GALNT13: variants seen among roughly 807,000 people sequenced by gnomAD.
GALNT13 encodes the protein polypeptide N-acetylgalactosaminyltransferase 13, also known as UDP-GalNAc:polypeptide N-acetylgalactosaminyltransferase 13.
GALNT13 carries 28 observed loss-of-function variants against 64.2 expected under a neutral mutation model. The observed-to-expected ratio is 0.44, with a 90% CI of 0.32 to 0.60. The LOEUF (loss-of-function observed/expected upper bound fraction) is 0.60. Among genes scored for constraint, GALNT13 ranks in the 20% least tolerant of loss-of-function variants. GALNT13 has a pLI of 0.05. For synonymous variants in GALNT13, 214 were observed against 224.6 expected, an observed-to-expected ratio of 0.95 and a Z score of 0.42; for missense variants, 577 against 669.8, an observed-to-expected ratio of 0.86 and a Z score of 1.53.
the GALNT13 span, among the ~76,000 whole-genome samples, chr2:153,305,324 T>C: frequency 6.6e-6 from 1 of 152,150 alleles, no homozygotes; most frequent in Admixed American, 6.6e-5. Context: ...ACAGGCCTCC[T>C]AGGTTCTAGG....
chr2:153,993,287 T>G lies in GALNT13; in HGVS notation c.142+48648T>G, dbSNP rs796226964. Among the ~76,000 whole-genome samples the G allele has an allele frequency of 9.2e-5, 14 of 152,204 alleles. 1 individual carries two copies. Among genetic ancestry groups the G allele is most frequent in the African/African-American group, 3.4e-4 (14 of 41,560 alleles). ...TTCATTCTGAATAGATGTGTACAAA[T>G]AAAGTGATTGTAAATTTATTGAATA... On this transcript the variant is annotated intron_variant, in intron 3 of 12. Coordinates refer to ENST00000392825, the MANE Select transcript of GALNT13 (RefSeq NM_052917.4).
chr2:154,060,995 G>A (rs2105366938), intron 3 of GALNT13, among the ~76,000 whole-genome samples: 1 of 150,558 alleles, frequency 6.6e-6, no homozygotes, highest in East Asian at 2.0e-4. Context: ...AATATATCAA[G>A]CATTATGAGT....
At chr2:153,958,874 G>T (rs576120988) in intron 3 of GALNT13, among the ~76,000 whole-genome samples, 35 of 152,316 alleles carry the variant, frequency 2.3e-4, no homozygotes, top group African/African-American at 7.5e-4. Context: ...GCCCTGAATT[G>T]CAGGAGAATT....
the GALNT13 span, among the ~76,000 whole-genome samples, chr2:153,766,998 C>T: frequency 6.6e-6 from 1 of 152,052 alleles, no homozygotes; most frequent in South Asian, 2.1e-4. Context: ...TACTTTTTTA[C>T]ATAGGTATAT....
At chr2:153,608,543 C>T in the GALNT13 span, among the ~76,000 whole-genome samples, 8 of 151,234 alleles carry the variant, frequency 5.3e-5, no homozygotes, top group Admixed American at 3.3e-4. Flanking sequence ...CTGTAACAGC[C>T]GCTGTTGCCT....
the GALNT13 span, among the ~76,000 whole-genome samples, chr2:153,125,208 C>A: frequency 1.3e-5 from 2 of 152,156 alleles, no homozygotes; most frequent in Non-Finnish European, 1.5e-5. Context: ...GTCAGGCAAC[C>A]AATTAGTAAC....
the GALNT13 span, among the ~76,000 whole-genome samples, chr2:153,607,434 T>G: frequency 6.6e-6 from 1 of 152,116 alleles, no homozygotes; most frequent in Non-Finnish European, 1.5e-5. Flanking sequence ...AAATCCATAT[T>G]GAATAAATTA....
intron 9 of GALNT13, among the ~76,000 whole-genome samples, chr2:154,337,271 G>A (rs1695507004): frequency 6.6e-6 from 1 of 152,076 alleles, no homozygotes; most frequent in Non-Finnish European, 1.5e-5. Context: ...ACTGATTACA[G>A]AGTAATATAT....
intron 9 of GALNT13, among the ~76,000 whole-genome samples, chr2:154,335,231 GAAA>G (rs1183424330): frequency 7.7e-6 from 1 of 130,588 alleles, no homozygotes; most frequent in East Asian, 2.2e-4. Context: ...AACTGTTGAA[GAAA>G]AAAAAGACGA....
chr2:153,661,108 C>CAGT, the GALNT13 span, among the ~76,000 whole-genome samples: 1 of 152,116 alleles, frequency 6.6e-6, no homozygotes, highest in Non-Finnish European at 1.5e-5. Flanking sequence ...AAAGAATTAT[C>CAGT]TAGTATCTAA....
At chr2:153,588,135 T>G in the GALNT13 span, among the ~76,000 whole-genome samples, 1 of 152,140 alleles carries the variant, frequency 6.6e-6, no homozygotes, top group African/African-American at 2.4e-5. Flanking sequence ...GGGTACAGCC[T>G]CCCTCCCAGC....
In GALNT13 at chr2:154,405,375, A is replaced by G. The variant is rs1056038011; in HGVS notation, c.1297-3609A>G. Among the ~76,000 whole-genome samples the G allele has an allele frequency of 1.4e-4, 22 of 152,070 alleles. 1 individual carries two copies. The highest frequency in any genetic ancestry group is 6.6e-5 in the Admixed American group (1 of 15,256). On this transcript the variant is annotated intron_variant, in intron 10 of 12. Transcript: ENST00000392825. ...AAACTAAATTGTTCAATTGAAAGTG[A>G]CACATATAGAAGATAAGCAACAAGA... is the stretch of plus-strand genomic sequence containing the variant.
At chr2:154,439,000 G>T (rs1701143296) in intron 12 of GALNT13, among the ~76,000 whole-genome samples, 1 of 152,040 alleles carries the variant, frequency 6.6e-6, no homozygotes, top group Non-Finnish European at 1.5e-5. Flanking sequence ...CATAAATTAG[G>T]CAAGAGGTAA....
At chr2:153,966,289 T>G (rs1693336805) in intron 3 of GALNT13, among the ~76,000 whole-genome samples, 1 of 151,384 alleles carries the variant, frequency 6.6e-6, no homozygotes, top group African/African-American at 2.4e-5. Flanking sequence ...CTTACAAGGT[T>G]TATACTGAGA....
chr2:153,390,569 T>C, the GALNT13 span, among the ~76,000 whole-genome samples: 4 of 152,266 alleles, frequency 2.6e-5, no homozygotes, highest in African/African-American at 9.6e-5. Flanking sequence ...TTTTACATTC[T>C]ATAGCTAGTC....
At chr2:154,335,039 T>C (rs1695361327) in intron 9 of GALNT13, among the ~76,000 whole-genome samples, 1 of 152,038 alleles carries the variant, frequency 6.6e-6, no homozygotes, top group Non-Finnish European at 1.5e-5. Context: ...CATAAAAGTC[T>C]CTTCACTCAG....
chr2:153,608,642 A>C, the GALNT13 span, among the ~76,000 whole-genome samples: 6 of 148,122 alleles, frequency 4.1e-5, no homozygotes, highest in Non-Finnish European at 8.9e-5. Context: ...TCTTTCATAC[A>C]TATATATAGA....
chr2:154,264,017 A>G (rs1690844408), intron 8 of GALNT13, among the ~76,000 whole-genome samples: 2 of 152,212 alleles, frequency 1.3e-5, no homozygotes, highest in Admixed American at 6.5e-5. Context: ...GACAGACTCC[A>G]TGACTTGAGG....
At chr2:153,352,393 TC>T in the GALNT13 span, among the ~76,000 whole-genome samples, 2 of 152,158 alleles carry the variant, frequency 1.3e-5, no homozygotes, top group African/African-American at 4.8e-5. Context: ...AATATTTTCT[TC>T]CAGTTTGCCT....
Sources: gnomAD v4.1 joint callset for allele counts (sites outside exome capture counted in the v4.1 genomes callset) on GRCh38, gnomAD v4.1.1 for gene constraint, MANE v1.5 for transcripts, NCBI Gene and HGNC (gene_info 2026-07-23, HGNC 2026-07-21) for gene names.